Variants in IL34 observed in about 807,000 individuals in gnomAD.
IL34 encodes interleukin-34.
A neutral mutation model predicts 25.3 loss-of-function variants in IL34; 17 were observed. That is an observed-to-expected ratio of 0.67 (90% CI 0.46 to 1.01). The LOEUF (loss-of-function observed/expected upper bound fraction) is 1.01, where lower values mean the gene tolerates loss of function less well. Ranked by LOEUF, IL34 falls within the 50% of genes least tolerant of loss-of-function variation. The probability of loss-of-function intolerance (pLI) is 0.00; values close to 1 mark genes in which losing one functional copy is unlikely to be tolerated. For missense variants in IL34, 368 were observed against 312.9 expected, an observed-to-expected ratio of 1.18 and a Z score of -1.33; for synonymous variants, 174 against 140.9, an observed-to-expected ratio of 1.23 and a Z score of -1.66.
chr16:70,614,712 A>G (rs1246320975), intron 1 of IL34, among the ~76,000 whole-genome samples: 2 of 152,230 alleles, frequency 1.3e-5, no homozygotes, highest in African/African-American at 2.4e-5. Context: ...TGTGTCTCAC[A>G]GTGTCTTGCA....
intron 1 of IL34, among the ~76,000 whole-genome samples, chr16:70,651,859 C>T (rs1020460783): frequency 6.6e-6 from 1 of 151,894 alleles, no homozygotes; most frequent in Non-Finnish European, 1.5e-5. Flanking sequence ...GGTGCGGTGG[C>T]TTATGCCTGT....
intron 1 of IL34, chr16:70,654,269 G>A (rs1219382036): frequency 3.2e-6 from 1 of 310,428 alleles, no homozygotes. Flanking sequence ...GAGACCAGAC[G>A]TCGACCCTGA....
intron 1 of IL34, among the ~76,000 whole-genome samples, chr16:70,621,196 G>T (rs1210709812): frequency 6.6e-6 from 1 of 152,160 alleles, no homozygotes; most frequent in Non-Finnish European, 1.5e-5. Context: ...GACCAAGGCA[G>T]GCGTCCCTGC....
intron 1 of IL34, among the ~76,000 whole-genome samples, chr16:70,649,393 G>A (rs373405734): frequency 1.4e-4 from 21 of 152,312 alleles, no homozygotes; most frequent in Middle Eastern, 3.4e-3. Context: ...TATGGAAAGC[G>A]GTGGTAACTC....
At chr16:70,647,812 G>A (rs1464067152) in intron 1 of IL34, among the ~76,000 whole-genome samples, 2 of 152,228 alleles carry the variant, frequency 1.3e-5, no homozygotes, top group African/African-American at 4.8e-5. Flanking sequence ...ATACAACAAA[G>A]GGTTGGGACA....
At chr16:70,608,839 A>G (rs1460022468) in intron 1 of IL34, among the ~76,000 whole-genome samples, 5 of 151,996 alleles carry the variant, frequency 3.3e-5, no homozygotes, top group Non-Finnish European at 5.9e-5. Flanking sequence ...GCATCTGGGA[A>G]GCTGGGAAGC....
chr16:70,640,652 T>C (rs2051760154), intron 1 of IL34, among the ~76,000 whole-genome samples: 1 of 152,040 alleles, frequency 6.6e-6, no homozygotes, highest in African/African-American at 2.4e-5. Flanking sequence ...AGTTAGTTTT[T>C]AAATATATAT....
At chr16:70,582,041 C>G (rs1435213773) in intron 1 of IL34, among the ~76,000 whole-genome samples, 1 of 152,232 alleles carries the variant, frequency 6.6e-6, no homozygotes, top group African/African-American at 2.4e-5. Flanking sequence ...TGGAGGCCCC[C>G]TCTTCCCCAA....
intron 1 of IL34, among the ~76,000 whole-genome samples, chr16:70,597,818 G>A (rs751420036): frequency 6.6e-6 from 1 of 152,098 alleles, no homozygotes; most frequent in Non-Finnish European, 1.5e-5. Context: ...GAAATGCCTG[G>A]GTGGCCCAGG....
intron 1 of IL34, among the ~76,000 whole-genome samples, chr16:70,628,497 T>A (rs12930942): frequency 0.24 from 35,085 of 148,980 alleles, 6,333 homozygotes; most frequent in African/African-American, 0.51. Flanking sequence ...TTATTTATTT[T>A]TTTTTTTGAG....
chr16:70,587,911 C>T (rs547498232), intron 1 of IL34, among the ~76,000 whole-genome samples: 5 of 151,974 alleles, frequency 3.3e-5, no homozygotes, highest in South Asian at 2.1e-4. Context: ...TGGTGGCACA[C>T]GCCTGTAGTC....
intron 1 of IL34, among the ~76,000 whole-genome samples, chr16:70,587,162 G>A (rs891801142): frequency 6.6e-5 from 10 of 152,150 alleles, no homozygotes; most frequent in Admixed American, 5.9e-4. Context: ...CCTGGGTGGA[G>A]ATCAATGCTG....
intron 1 of IL34, among the ~76,000 whole-genome samples, chr16:70,619,159 G>T (rs929835280): frequency 6.6e-6 from 1 of 152,176 alleles, no homozygotes; most frequent in Admixed American, 6.5e-5. Context: ...CCATGCTGTA[G>T]CAGACGAGTG....
At chr16:70,656,817 T>G (rs1027840249) in intron 3 of IL34, 138 bp downstream of exon 3, 54 of 1,077,554 alleles carry the variant, frequency 5.0e-5, no homozygotes, top group Non-Finnish European at 3.2e-5. Flanking sequence ...AGGCTGGCCC[T>G]TGGCCCAGGC....
In IL34 at chr16:70,656,639, C is replaced by A; in HGVS notation, c.200C>A (p.Pro67His). The A allele has an allele frequency of 2.0e-6, 3 of 1,472,230 alleles. No individual in the cohort carries two copies. The highest frequency in any genetic ancestry group is 1.9e-6 in the Non-Finnish European group (2 of 1,050,336). 91.2% of individuals were successfully genotyped at this position (1,472,230 alleles called of 1,614,324 possible). The change falls in exon 3 of 6, where the codon CCT (proline) becomes CAT (histidine). Residue 67 changes from proline (P) to histidine (H), a missense_variant. Physicochemically the swap from Pro to His is moderately conservative, Grantham distance 77. Coordinates refer to ENST00000288098, the MANE Select transcript of IL34 (RefSeq NM_001393494.1). ...CCCATCAACTACAAGATCAGTGTGC[C>A]TTACGAGGGGGTGTTCAGAATCGCC... ...YFPINYKISV[P>H]YEGVFRIANV...
chr16:70,617,471 T>C (rs1054061414), intron 1 of IL34, among the ~76,000 whole-genome samples: 1 of 152,088 alleles, frequency 6.6e-6, no homozygotes, highest in African/African-American at 2.4e-5. Flanking sequence ...CAGAAGATAG[T>C]AGGGATGACA....
chr16:70,590,689 C>T (rs1482492253), intron 1 of IL34, among the ~76,000 whole-genome samples: 2 of 152,286 alleles, frequency 1.3e-5, no homozygotes. Context: ...GGGCTGTCAA[C>T]ACCTGGGAAC....
chr16:70,606,907 T>G (rs1269621898), intron 1 of IL34, among the ~76,000 whole-genome samples: 7 of 152,104 alleles, frequency 4.6e-5, no homozygotes, highest in Admixed American at 2.0e-4. Context: ...TATTGCTGAG[T>G]AGTATTCTGT....
chr16:70,590,852 CT>C (rs1167437069), intron 1 of IL34, among the ~76,000 whole-genome samples: 1 of 152,186 alleles, frequency 6.6e-6, no homozygotes, highest in Non-Finnish European at 1.5e-5. Flanking sequence ...GCCCCCGCCC[CT>C]GGCAGTCAGT....
Sources: allele counts gnomAD v4.1 joint callset (sites outside exome capture counted in the v4.1 genomes callset), GRCh38; gene constraint gnomAD v4.1.1; transcripts MANE v1.5; gene names NCBI Gene and HGNC (gene_info 2026-07-23, HGNC 2026-07-21).